Variants in STX2 observed in about 807,000 individuals in gnomAD.
The protein encoded by STX2 is syntaxin-2.
A neutral mutation model predicts 40.6 loss-of-function variants in STX2; 27 were observed. That is an observed-to-expected ratio of 0.66 (90% CI 0.49 to 0.92). The LOEUF is 0.92. Among genes scored for constraint, STX2 ranks in the 40% least tolerant of loss-of-function variants. The probability of loss-of-function intolerance (pLI) is 0.00; values close to 1 mark genes in which losing one functional copy is unlikely to be tolerated. For synonymous variants in STX2, 123 were observed against 119.1 expected (o/e 1.03, Z -0.22); for missense variants, 328 against 366.1 (o/e 0.90, Z 0.85).
chr12:130,822,907 T>C (rs190933452), intron 2 of STX2, among the ~76,000 whole-genome samples: 2 of 152,378 alleles, frequency 1.3e-5, no homozygotes, highest in Non-Finnish European at 2.9e-5. Flanking sequence ...GCAAGTGTTC[T>C]TAGAAGACAG....
chr12:130,828,746 T>C (rs1053369805), intron 1 of STX2, among the ~76,000 whole-genome samples: 2 of 151,174 alleles, frequency 1.3e-5, no homozygotes, highest in African/African-American at 2.4e-5. Context: ...TGGGCACCTG[T>C]AGTCCCAGCT....
Position 130,790,417 on chromosome 12 carries a change from T to C in STX2, c.*1606A>G, listed in dbSNP as rs975204169. ...CAGGAGTAACAAGAGTTCACGACAT[T>C]TGGGGCATCCTGCATGCACTCCTTT... On this transcript the variant is annotated 3_prime_UTR_variant, in exon 11 of 11. Transcript: ENST00000392373. The C allele has an allele frequency of 6.6e-6, 1 of 152,180 alleles. No individual in the cohort carries two copies. Among genetic ancestry groups the C allele is most frequent in the African/African-American group, 2.4e-5 (1 of 41,432 alleles). The allele number at this position is 152,180 out of a possible 1,614,324, so 9.4% of individuals were successfully genotyped here.
rs80093635 is a variant in STX2 at position 130,817,808 on chromosome 12, C to G, written c.205+3881G>C. ...AAAACAACTTCTAAACTAGAATCTT[C>G]TACTCAGTGAAAATATCCTTCGAGA... On this transcript the variant is annotated intron_variant, in intron 3 of 10. Coordinates refer to ENST00000392373, the MANE Select transcript of STX2 (RefSeq NM_194356.4). Among the ~76,000 whole-genome samples, 1,335 of 152,168 alleles carry G rather than the reference C, an allele frequency of 8.8e-3. 12 individuals are homozygous for G. Among genetic ancestry groups the G allele is most frequent in the African/African-American group, 0.03 (1,265 of 41,496 alleles).
rs1466702376 is a variant in STX2, at chr12:130,791,980, G to A, written c.*46-3C>T. On this transcript the variant is annotated splice_region_variant and splice_polypyrimidine_tract_variant and intron_variant, in intron 10 of 10. Coordinates refer to ENST00000392373, the MANE Select transcript of STX2 (RefSeq NM_194356.4). ...CAAATAATAATGAACATCAATTTCT[G>A]CAAGATAAAGAAAAACATTAATTTG... is the stretch of plus-strand genomic sequence containing the variant. The A allele has an allele frequency of 6.3e-7, 1 of 1,582,946 alleles. No individual in the cohort carries two copies. Among genetic ancestry groups the A allele is most frequent in the Non-Finnish European group, 8.7e-7 (1 of 1,155,920 alleles).
At position 130,828,904 on chromosome 12, in the gene STX2, T is replaced by C. The variant is rs568212611; in HGVS notation, c.31-1637A>G. On this transcript the variant is annotated intron_variant, in intron 1 of 10. Coordinates refer to ENST00000392373, the MANE Select transcript of STX2 (RefSeq NM_194356.4). Reference sequence around the variant, plus strand: ...AAAGAAAAGAAAAGAAAAGACAAAATGGCAATCAACCGACAAGCAGCAGAA... The same window carrying C: ...AAAGAAAAGAAAAGAAAAGACAAAACGGCAATCAACCGACAAGCAGCAGAA... Among the ~76,000 whole-genome samples the C allele has an allele frequency of 2.0e-5, 3 of 147,586 alleles. No homozygotes were observed. The South Asian group carries it at 6.5e-4, about 32-fold the overall frequency.
intron 2 of STX2, among the ~76,000 whole-genome samples, chr12:130,823,816 C>A (rs915132685): frequency 6.6e-6 from 1 of 152,142 alleles, no homozygotes; most frequent in African/African-American, 2.4e-5. Flanking sequence ...AATAGATCTC[C>A]AAAAAATCGG....
At chr12:130,794,124 C>T (rs1391836592) in intron 10 of STX2, among the ~76,000 whole-genome samples, 1 of 152,088 alleles carries the variant, frequency 6.6e-6, no homozygotes, top group Admixed American at 6.6e-5. Context: ...TTTAGTGTAA[C>T]CACATTAAAC....
At chr12:130,811,762 G>C (rs912160483) in intron 4 of STX2, among the ~76,000 whole-genome samples, 2 of 151,986 alleles carry the variant, frequency 1.3e-5, no homozygotes, top group African/African-American at 2.4e-5. Flanking sequence ...GATAAGTCTC[G>C]ATCTCCTGAC....
At chr12:130,806,135 G>T (rs76320867) in intron 6 of STX2, among the ~76,000 whole-genome samples, 3,973 of 152,306 alleles carry the variant, frequency 0.026, 167 homozygotes, top group African/African-American at 0.085. Flanking sequence ...AACATGAGGA[G>T]CCTCGCTGAG....
At chr12:130,813,673 C>T (rs201143555) in intron 3 of STX2, among the ~76,000 whole-genome samples, 2 of 152,190 alleles carry the variant, frequency 1.3e-5, no homozygotes, top group African/African-American at 4.8e-5. Flanking sequence ...TAAGGCCACC[C>T]AGGGCGTCAT....
chr12:130,808,552 T>C, intron 5 of STX2, 79 bp downstream of exon 5: 1 of 1,221,924 alleles, frequency 8.2e-7, no homozygotes, highest in South Asian at 1.3e-5. Context: ...AAAGATGAAA[T>C]TATTCAGAGT....
Position 130,817,619 on chromosome 12 carries a change from G to C in STX2, c.205+4070C>G, listed in dbSNP as rs79038509. On this transcript the variant is annotated intron_variant, in intron 3 of 10. Transcript: ENST00000392373. ...AGACTCAAGAAGCCTTATAAGAAGA[G>C]GGAAAAAGAAAACGAAAACCACATC... 4.4e-3 allele frequency among the ~76,000 whole-genome samples: 669 copies of C among 151,760 alleles called. 12 individuals carry two copies. In the East Asian group the frequency reaches 0.057, roughly 13 times the overall value.
chr12:130,822,943 A>T (rs148937189), intron 2 of STX2, among the ~76,000 whole-genome samples: 1 of 152,364 alleles, frequency 6.6e-6, no homozygotes, highest in East Asian at 1.9e-4. Flanking sequence ...CAGCTACAGA[A>T]GCAGCAAGGT....
chr12:130,838,208 A>G (rs1430212129), intron 1 of STX2, among the ~76,000 whole-genome samples: 2 of 152,232 alleles, frequency 1.3e-5, no homozygotes, highest in Non-Finnish European at 2.9e-5. Flanking sequence ...GGAAAAAGTC[A>G]TAACTACTTC....
intron 10 of STX2, among the ~76,000 whole-genome samples, chr12:130,794,951 C>T (rs1396487392): frequency 1.3e-5 from 2 of 152,148 alleles, no homozygotes; most frequent in Non-Finnish European, 2.9e-5. Flanking sequence ...ACTGCTGTGT[C>T]CACCTGTAAC....
At chr12:130,838,963 G>C in intron 1 of STX2, 107 bp downstream of exon 1, 183 of 614,282 alleles carry the variant, frequency 3.0e-4, no homozygotes, top group South Asian at 3.7e-4. Flanking sequence ...GGAGATCCCC[G>C]CCCTGGGGAC....
At chr12:130,828,619 A>C (rs375959374) in intron 1 of STX2, among the ~76,000 whole-genome samples, 4 of 151,360 alleles carry the variant, frequency 2.6e-5, no homozygotes, top group Admixed American at 6.6e-5. Context: ...GTAATCCCAG[A>C]ACTTTGGGAG....
chr12:130,818,185 A>AAAAAAAAAAAAAAAAAAATATAT, intron 3 of STX2, among the ~76,000 whole-genome samples: 1 of 70,588 alleles, frequency 1.4e-5, no homozygotes, highest in Admixed American at 1.6e-4. Context: ...AAAAAAAAAA[A>AAAAAAAAAAAAAAAAAAATATAT]ATATATATAT....
At chr12:130,836,213 T>C (rs903887205) in intron 1 of STX2, among the ~76,000 whole-genome samples, 1 of 152,188 alleles carries the variant, frequency 6.6e-6, no homozygotes, top group Non-Finnish European at 1.5e-5. Context: ...ATATTAAAAG[T>C]TATTAAACTT....
Sources: gnomAD v4.1 joint callset for allele counts (sites outside exome capture counted in the v4.1 genomes callset) on GRCh38, gnomAD v4.1.1 for gene constraint, MANE v1.5 for transcripts, NCBI Gene and HGNC (gene_info 2026-07-23, HGNC 2026-07-21) for gene names.